COMMD7: variants seen among roughly 807,000 people sequenced by gnomAD.
The protein encoded by COMMD7 is COMM domain-containing protein 7.
A neutral mutation model predicts 34.8 loss-of-function variants in COMMD7; 28 were observed. The observed-to-expected ratio is 0.80, with a 90% CI of 0.60 to 1.10. COMMD7 has a LOEUF of 1.10. Among genes scored for constraint, COMMD7 ranks in the 50% least tolerant of loss-of-function variants. The pLI is 0.00. For missense variants in COMMD7, 211 were observed against 241.6 expected (o/e 0.87, Z 0.84); for synonymous variants, 80 against 86.4 (o/e 0.93, Z 0.41).
chr20:32,740,047 G>A (rs1490972094), intron 1 of COMMD7, among the ~76,000 whole-genome samples: 1 of 141,066 alleles, frequency 7.1e-6, no homozygotes, highest in Non-Finnish European at 1.5e-5. Context: ...GCCGGATGCG[G>A]TGGCTCACAC....
intron 1 of COMMD7, among the ~76,000 whole-genome samples, chr20:32,729,731 G>A (rs1019699010): frequency 6.6e-6 from 1 of 152,086 alleles, no homozygotes; most frequent in Non-Finnish European, 1.5e-5. Flanking sequence ...TCTGGGCTGG[G>A]CATAGTGGCT....
intron 3 of COMMD7, among the ~76,000 whole-genome samples, chr20:32,711,943 C>T (rs998386804): frequency 6.7e-6 from 1 of 149,808 alleles, no homozygotes; most frequent in South Asian, 2.1e-4. Flanking sequence ...CCAGCACTTT[C>T]GGAGGCCGAG....
At chr20:32,729,433 G>A (rs1985711092) in intron 1 of COMMD7, among the ~76,000 whole-genome samples, 1 of 151,764 alleles carries the variant, frequency 6.6e-6, no homozygotes, top group Non-Finnish European at 1.5e-5. Context: ...CTCCCAAAGT[G>A]CTGGGATTAT....
chr20:32,737,379 A>AAAAAAAAAAAAAAACAAG (rs1387669938), intron 1 of COMMD7, among the ~76,000 whole-genome samples: 1 of 101,622 alleles, frequency 9.8e-6, no homozygotes, highest in Non-Finnish European at 2.0e-5. Flanking sequence ...CAAAAAAAAA[A>AAAAAAAAAAAAAAACAAG]GATAAGCCAG....
At chr20:32,731,273 A>T (rs1215710255) in intron 1 of COMMD7, among the ~76,000 whole-genome samples, 1 of 152,210 alleles carries the variant, frequency 6.6e-6, no homozygotes, top group Non-Finnish European at 1.5e-5. Flanking sequence ...AGTCATGATC[A>T]CACCACTGAA....
chr20:32,734,220 A>T (rs1986012272), intron 1 of COMMD7, among the ~76,000 whole-genome samples: 1 of 150,838 alleles, frequency 6.6e-6, no homozygotes, highest in Non-Finnish European at 1.5e-5. Flanking sequence ...CACGCTTGTA[A>T]TCCCAGCACT....
chr20:32,715,668 G>C (rs1984736559), intron 3 of COMMD7, among the ~76,000 whole-genome samples: 2 of 151,844 alleles, frequency 1.3e-5, no homozygotes, highest in Admixed American at 1.3e-4. Context: ...TCAGCCAGGA[G>C]TGGTGGCATC....
chr20:32,737,056 C>T (rs922728183), intron 1 of COMMD7, among the ~76,000 whole-genome samples: 2 of 151,706 alleles, frequency 1.3e-5, no homozygotes. Context: ...GTGGCGGGCA[C>T]CTGTAGTCCC....
intron 1 of COMMD7, among the ~76,000 whole-genome samples, chr20:32,729,616 T>TA (rs59640846): frequency 0.67 from 94,790 of 141,928 alleles, 31,985 homozygotes; most frequent in Middle Eastern, 0.8. Context: ...CCCCACCTCT[T>TA]AAAAAAAAAA....
chr20:32,718,469 C>T (rs919331502), intron 3 of COMMD7, among the ~76,000 whole-genome samples: 3 of 151,562 alleles, frequency 2.0e-5, no homozygotes, highest in Admixed American at 6.6e-5. Context: ...GAGGCCAAGG[C>T]GGGTGGACTG....
rs1392966725 is a variant in COMMD7, at chr20:32,703,666, G to C, written c.527-208C>G. On this transcript the variant is annotated intron_variant, in intron 8 of 8. Coordinates refer to ENST00000278980, the MANE Select transcript of COMMD7 (RefSeq NM_053041.3). ...CAAAGGAAAAAAAAGGGGAGTGAGT[G>C]TTCAAATGGCACAGCTCCATGGCAC... 3 of 1,436,054 alleles carry C rather than the reference G, an allele frequency of 2.1e-6. No homozygotes were observed. In the African/African-American group the frequency reaches 4.3e-5, roughly 21 times the overall value. 89.0% of individuals were successfully genotyped at this position (1,436,054 alleles called of 1,614,324 possible).
chr20:32,743,414 G>A lies in COMMD7; in HGVS notation c.-23C>T. ...CATGGCGCGCGCCCCAGCCCCGCAG[G>A]TTCCACCGCCGCCGCCGCCCTGCTC... On this transcript the variant is annotated 5_prime_UTR_variant, in exon 1 of 9. Coordinates refer to ENST00000278980, the MANE Select transcript of COMMD7 (RefSeq NM_053041.3). 1 of 1,329,518 alleles carries A rather than the reference G, an allele frequency of 7.5e-7. No individual in the cohort carries two copies. Among genetic ancestry groups the A allele is most frequent in the East Asian group, 3.2e-5 (1 of 31,578 alleles). The allele number at this position is 1,329,518 out of a possible 1,614,324, so 82.4% of individuals were successfully genotyped here. A position where few individuals can be genotyped will look rare whatever the true frequency, so the allele number is the denominator to read the frequency against.
chr20:32,715,555 T>G (rs1241926372), intron 3 of COMMD7, among the ~76,000 whole-genome samples: 1 of 146,038 alleles, frequency 6.8e-6, no homozygotes, highest in Non-Finnish European at 1.5e-5. Flanking sequence ...TGCCTATATC[T>G]CAGCACTTTG....
intron 3 of COMMD7, among the ~76,000 whole-genome samples, chr20:32,714,718 G>A (rs1414949004): frequency 6.6e-6 from 1 of 152,052 alleles, no homozygotes; most frequent in Non-Finnish European, 1.5e-5. Flanking sequence ...CAGCTACTCA[G>A]GCGGCTAAGG....
intron 6 of COMMD7, 38 bp from the exon 7 acceptor site, chr20:32,704,527 A>AG: frequency 6.3e-7 from 1 of 1,590,460 alleles, no homozygotes; most frequent in Non-Finnish European, 8.5e-7. Flanking sequence ...AGAGAGAGAG[A>AG]AATAACAAGT....
At chr20:32,705,236 G>T (rs1469651596) in intron 5 of COMMD7, among the ~76,000 whole-genome samples, 1 of 151,596 alleles carries the variant, frequency 6.6e-6, no homozygotes, top group Non-Finnish European at 1.5e-5. Context: ...TTCTCAATCA[G>T]TCACTTGTTA....
intron 7 of COMMD7, 131 bp downstream of exon 7, chr20:32,704,309 G>T (rs1014904730): frequency 2.3e-6 from 2 of 877,820 alleles, no homozygotes; most frequent in African/African-American, 1.7e-5. Flanking sequence ...TCTTTAGCTG[G>T]CCACACTGCT....
In COMMD7 at chr20:32,704,918, A is replaced by C; in HGVS notation, c.337-14T>G. 1 of 1,597,192 alleles carries C rather than the reference A, an allele frequency of 6.3e-7. No individual in the cohort carries two copies. The highest frequency in any genetic ancestry group is 8.6e-7 in the Non-Finnish European group (1 of 1,164,722). ...ATTCTGCTTCCACTGGAACAAAAGCAAAAGACAAAGTCAATTACAATAGGA... is the reference window on the plus strand; with the variant it reads ...ATTCTGCTTCCACTGGAACAAAAGCCAAAGACAAAGTCAATTACAATAGGA... On this transcript the variant is annotated splice_polypyrimidine_tract_variant and intron_variant, in intron 5 of 8. Transcript: ENST00000278980.
intron 1 of COMMD7, among the ~76,000 whole-genome samples, chr20:32,736,386 G>C (rs1314537864): frequency 6.6e-6 from 1 of 152,100 alleles, no homozygotes; most frequent in Non-Finnish European, 1.5e-5. Context: ...TAACAATAAA[G>C]GTAGCTGGGC....
Sources: gnomAD v4.1 joint callset for allele counts (sites outside exome capture counted in the v4.1 genomes callset) on GRCh38, gnomAD v4.1.1 for gene constraint, MANE v1.5 for transcripts, NCBI Gene and HGNC (gene_info 2026-07-23, HGNC 2026-07-21) for gene names.